Variants in AHI1 observed in about 807,000 individuals in gnomAD.
The protein encoded by AHI1 is Abelson helper integration site 1.
A neutral mutation model predicts 149.3 loss-of-function variants in AHI1; 123 were observed. That is an observed-to-expected ratio of 0.82 (90% confidence interval 0.71 to 0.96). AHI1 has a LOEUF of 0.96. Among genes scored for constraint, AHI1 ranks in the 40% least tolerant of loss-of-function variants. The pLI is 0.00. For synonymous variants in AHI1, 475 were observed against 459.8 expected (o/e 1.03, Z -0.42); for missense variants, 1,439 against 1,422.7 (o/e 1.01, Z -0.18).
At chr6:135,380,191 T>A (rs948891610) in intron 23 of AHI1, among the ~76,000 whole-genome samples, 1 of 151,944 alleles carries the variant, frequency 6.6e-6, no homozygotes, top group African/African-American at 2.4e-5. Flanking sequence ...ATAATGTTTT[T>A]ATTTAACAGC....
chr6:135,427,059 A>C, intron 20 of AHI1, 108 bp downstream of exon 20: 1 of 1,129,774 alleles, frequency 8.9e-7, no homozygotes, highest in Non-Finnish European at 1.3e-6. Flanking sequence ...TAAGGGCACA[A>C]TTATTATGTG....
intron 23 of AHI1, among the ~76,000 whole-genome samples, chr6:135,370,872 T>C (rs1774952199): frequency 6.6e-6 from 1 of 152,190 alleles, no homozygotes; most frequent in Admixed American, 6.5e-5. Context: ...TCTTGAATTC[T>C]TGTTTTCAAT....
At chr6:135,346,391 G>A (rs1234282921) in intron 24 of AHI1, among the ~76,000 whole-genome samples, 11 of 151,662 alleles carry the variant, frequency 7.3e-5, no homozygotes, top group African/African-American at 2.4e-4. Flanking sequence ...TAGTAGAGAC[G>A]GGGTCTCAGT....
chr6:135,366,276 G>T (rs1774169443), intron 23 of AHI1, among the ~76,000 whole-genome samples: 1 of 151,514 alleles, frequency 6.6e-6, no homozygotes. Context: ...TCCTGGCTTT[G>T]GTATTACGGT....
At chr6:135,478,080 C>A (rs1792999685) in intron 5 of AHI1, among the ~76,000 whole-genome samples, 1 of 152,138 alleles carries the variant, frequency 6.6e-6, no homozygotes, top group Non-Finnish European at 1.5e-5. Context: ...GGATTACAGG[C>A]ATGAGCCACA....
chr6:135,414,798 AT>A (rs1199192259), intron 20 of AHI1, among the ~76,000 whole-genome samples: 1 of 151,674 alleles, frequency 6.6e-6, no homozygotes, highest in Non-Finnish European at 1.5e-5. Context: ...CTTTTTTTAA[AT>A]TTTTTTATTT....
At chr6:135,423,333 T>C (rs1414088745) in intron 20 of AHI1, among the ~76,000 whole-genome samples, 1 of 152,218 alleles carries the variant, frequency 6.6e-6, no homozygotes, top group Non-Finnish European at 1.5e-5. Flanking sequence ...CCAACATTTA[T>C]TCATTTATTG....
Position 135,465,754 on chromosome 6 carries a change from A to C in AHI1, c.749+60T>G, listed in dbSNP as rs1052334066. ...TTGTTAAACCACAGATAATATTCAA[A>C]ACCTGAAAATAACAGTGTTTTTCTA... On this transcript the variant is annotated intron_variant, in intron 7 of 28. Transcript: ENST00000265602. 15 of 1,345,290 alleles carry C rather than the reference A, an allele frequency of 1.1e-5. No individual in the cohort carries two copies. The Admixed American group carries it at 2.0e-4, about 18-fold the overall frequency. The allele number at this position is 1,345,290 out of a possible 1,614,324, so 83.3% of individuals were successfully genotyped here. A position where few individuals can be genotyped will look rare whatever the true frequency, so the allele number is the denominator to read the frequency against.
At chr6:135,405,067 A>T (rs1373322844) in intron 21 of AHI1, 90 bp from the exon 22 acceptor site, 1 of 1,090,206 alleles carries the variant, frequency 9.2e-7, no homozygotes, top group African/African-American at 1.6e-5. Context: ...TCTTCTAATA[A>T]CCTAAATCAG....
At chr6:135,397,361 G>T (rs1006019646) in intron 22 of AHI1, among the ~76,000 whole-genome samples, 3 of 151,872 alleles carry the variant, frequency 2.0e-5, no homozygotes, top group African/African-American at 7.2e-5. Context: ...ACAACAGAAA[G>T]GTTGGTTAAG....
At chr6:135,464,980 G>A (rs1237381575) in intron 7 of AHI1, among the ~76,000 whole-genome samples, 2 of 152,146 alleles carry the variant, frequency 1.3e-5, no homozygotes, top group African/African-American at 4.8e-5. Context: ...TCTTTTTAAT[G>A]GAGCAACAGA....
intron 9 of AHI1, 96 bp downstream of exon 9, chr6:135,457,398 A>T: frequency 1.2e-6 from 1 of 846,568 alleles, no homozygotes; most frequent in Non-Finnish European, 1.8e-6. Flanking sequence ...ACAAATCCAT[A>T]ACTCTATTCC....
chr6:135,482,616 T>C (rs1793847167), intron 5 of AHI1, among the ~76,000 whole-genome samples: 1 of 152,110 alleles, frequency 6.6e-6, no homozygotes, highest in Admixed American at 6.5e-5. Flanking sequence ...TGTAGAAGTA[T>C]AATTTGGTCT....
At chr6:135,294,724 GA>G (rs944866844) in intron 27 of AHI1, among the ~76,000 whole-genome samples, 1 of 119,566 alleles carries the variant, frequency 8.4e-6, no homozygotes, top group African/African-American at 3.2e-5. Context: ...AAAAGAAAAA[GA>G]AAAAAAAGAA....
chr6:135,319,277 A>ACCAGCCTGG (rs376409860), intron 25 of AHI1, among the ~76,000 whole-genome samples: 76 of 152,304 alleles, frequency 5.0e-4, no homozygotes, highest in African/African-American at 1.7e-3. Flanking sequence ...AGAGTTTGAG[A>ACCAGCCTGG]CCAGCCTGGC....
chr6:135,364,252 C>T (rs1374286861), intron 23 of AHI1, among the ~76,000 whole-genome samples: 31 of 150,702 alleles, frequency 2.1e-4, no homozygotes, highest in Non-Finnish European at 3.4e-4. Context: ...ACATCCTGGA[C>T]GGGGCGGCAG....
chr6:135,475,610 A>C (rs1721331970), intron 5 of AHI1, among the ~76,000 whole-genome samples: 1 of 152,168 alleles, frequency 6.6e-6, no homozygotes, highest in Admixed American at 6.5e-5. Context: ...CCCTCTACAC[A>C]AAACCATGAA....
chr6:135,454,043 TAG>T (rs1377465346), intron 10 of AHI1, among the ~76,000 whole-genome samples: 1 of 152,316 alleles, frequency 6.6e-6, no homozygotes, highest in Admixed American at 6.5e-5. Flanking sequence ...GAGATTTTTA[TAG>T]AAAGAAGACT....
intron 24 of AHI1, among the ~76,000 whole-genome samples, chr6:135,325,876 T>C (rs1291623480): frequency 2.0e-5 from 3 of 152,168 alleles, no homozygotes; most frequent in African/African-American, 7.2e-5. Context: ...ACTTACGAAA[T>C]CCTACATCAG....
Sources: gnomAD v4.1 joint callset for allele counts (sites outside exome capture counted in the v4.1 genomes callset) on GRCh38, gnomAD v4.1.1 for gene constraint, MANE v1.5 for transcripts, NCBI Gene and HGNC (gene_info 2026-07-23, HGNC 2026-07-21) for gene names.